MED9: variants seen among roughly 807,000 people sequenced by gnomAD.
The protein encoded by MED9 is mediator of RNA polymerase II transcription subunit 9.
In MED9, 8 loss-of-function variants were observed where a neutral mutation model predicts 13.2. The observed-to-expected ratio is 0.61, with a 90% CI of 0.36 to 1.10. The LOEUF is 1.10. Ranked by LOEUF, MED9 falls within the 50% of genes least tolerant of loss-of-function variation. MED9 has a pLI of 0.02. For synonymous variants in MED9, 87 were observed against 82.8 expected (o/e 1.05, Z -0.28); for missense variants, 180 against 193.4 (o/e 0.93, Z 0.41).
At position 17,483,885 on chromosome 17, in the gene MED9, C is replaced by T. The variant is rs1292331331; in HGVS notation, c.224+6620C>T. On this transcript the variant is annotated intron_variant, in intron 1 of 1. Transcript: ENST00000268711. This position sits in a 1 kb window ranked among gnomAD's most constrained non-coding sequence, Gnocchi z 4.2. ...CCGGGAGGCGGAGGTTGCAGTGAGC[C>T]ACGATCGCACCATTGCACTCCAGCC... is the stretch of plus-strand genomic sequence containing the variant. 6.6e-6 allele frequency among the ~76,000 whole-genome samples: 1 copy of T among 150,384 alleles called. No homozygotes were observed. The highest frequency in any genetic ancestry group is 2.0e-4 in the East Asian group (1 of 5,104).
rs546717123 is a variant in MED9, at chr17:17,491,617, G to A, written c.*122G>A. 2 of 976,646 alleles carry A rather than the reference G, an allele frequency of 2.0e-6. No individual in the cohort carries two copies. The highest frequency in any genetic ancestry group is 2.2e-5 in the Admixed American group (1 of 46,082). The allele number at this position is 976,646 out of a possible 1,614,324, so 60.5% of individuals were successfully genotyped here. A position where few individuals can be genotyped will look rare whatever the true frequency, so the allele number is the denominator to read the frequency against. On this transcript the variant is annotated 3_prime_UTR_variant, in exon 2 of 2. Coordinates refer to ENST00000268711, the MANE Select transcript of MED9 (RefSeq NM_018019.3). The stretch of plus-strand genomic sequence containing the variant: ...CAGCTCAGCTCGTCAAGCTGCAGGG[G>A]CGGGGCTCCTGTGCTGCTGCGCGCG...
intron 1 of MED9, among the ~76,000 whole-genome samples, chr17:17,479,583 AGGAG>A (rs796277092): frequency 6.6e-6 from 1 of 151,728 alleles, no homozygotes; most frequent in East Asian, 1.9e-4. Context: ...CCAACACTTT[AGGAG>A]GCTGAGGCGA....
intron 1 of MED9, among the ~76,000 whole-genome samples, chr17:17,480,561 T>TG (rs1905015978): frequency 6.6e-6 from 1 of 151,962 alleles, no homozygotes; most frequent in Non-Finnish European, 1.5e-5. Context: ...CAGGCTGAGA[T>TG]GGGAGGATAG....
intron 1 of MED9, among the ~76,000 whole-genome samples, chr17:17,481,115 A>G (rs1363627300): frequency 3.9e-5 from 6 of 152,154 alleles, no homozygotes; most frequent in African/African-American, 1.2e-4. Flanking sequence ...GCCAGGAAAC[A>G]GAGTGCAGGT....
rs548928948 is a variant in MED9 at position 17,491,679 on chromosome 17, C to T, written c.*184C>T. On this transcript the variant is annotated 3_prime_UTR_variant, in exon 2 of 2. Coordinates refer to ENST00000268711, the MANE Select transcript of MED9 (RefSeq NM_018019.3). Reference sequence around the variant, plus strand: ...CGGGAGCCAGCGCAGAGCTTGGCTGCGCCGGGGGTTCCTCGTGTAGATCCA... The same window carrying T: ...CGGGAGCCAGCGCAGAGCTTGGCTGTGCCGGGGGTTCCTCGTGTAGATCCA... 2,473 of 612,466 alleles carry T rather than the reference C, an allele frequency of 4.0e-3. 17 individuals carry two copies. Among genetic ancestry groups the T allele is most frequent in the Middle Eastern group, 0.019 (44 of 2,294 alleles). The allele number at this position is 612,466 out of a possible 1,614,324, so 37.9% of individuals were successfully genotyped here.
In MED9 at chr17:17,491,317, A is replaced by G. The variant is rs1905222307; in HGVS notation, c.263A>G (p.Asn88Ser). The G allele has an allele frequency of 6.2e-7, 1 of 1,613,832 alleles. No individual in the cohort carries two copies. The highest frequency in any genetic ancestry group is 1.1e-5 in the South Asian group (1 of 91,086). Reference sequence around the variant, plus strand: ...AGCCCGGAGGTCCACCAGGACCTGAACGCCCTCAAAAGCAAGTTCCAGGAG... The same window carrying G: ...AGCCCGGAGGTCCACCAGGACCTGAGCGCCCTCAAAAGCAAGTTCCAGGAG... ...KDSPEVHQDL[N>S]ALKSKFQEMR... The change falls in exon 2 of 2, where the codon AAC (asparagine) becomes AGC (serine). Residue 88 changes from asparagine (N) to serine (S), a missense_variant. By Grantham distance (46) the Asn-to-Ser change is conservative. Coordinates refer to ENST00000268711, the MANE Select transcript of MED9 (RefSeq NM_018019.3).
At chr17:17,491,188 C>A in intron 1 of MED9, 91 bp from the exon 2 acceptor site, 3 of 1,210,520 alleles carry the variant, frequency 2.5e-6, no homozygotes, top group Non-Finnish European at 3.6e-6. Context: ...AAAGCTATGG[C>A]AGGAATGACA....
chr17:17,489,217 C>T (rs1207428128), intron 1 of MED9, among the ~76,000 whole-genome samples: 1 of 152,260 alleles, frequency 6.6e-6, no homozygotes, highest in Admixed American at 6.5e-5. Context: ...AGCTGCCCTC[C>T]AGGCGGCTTG....
chr17:17,493,040 A>G lies in MED9; in HGVS notation c.*1545A>G, dbSNP rs1905271431. ...GGCCTGTTTTAAGGCTCTGACAGAT[A>G]CCACGAAACATGAAGCACGTGGAAC... is the stretch of plus-strand genomic sequence containing the variant. On this transcript the variant is annotated 3_prime_UTR_variant, in exon 2 of 2. Coordinates refer to ENST00000268711, the MANE Select transcript of MED9 (RefSeq NM_018019.3). 1 of 152,156 alleles carries G rather than the reference A, an allele frequency of 6.6e-6. No individual in the cohort carries two copies. Among genetic ancestry groups the G allele is most frequent in the South Asian group, 2.1e-4 (1 of 4,830 alleles). The allele number at this position is 152,156 out of a possible 1,614,324, so 9.4% of individuals were successfully genotyped here. A position where few individuals can be genotyped will look rare whatever the true frequency, so the allele number is the denominator to read the frequency against.
Position 17,491,752 on chromosome 17 carries a change from A to G in MED9, c.*257A>G. Reference sequence around the variant, plus strand: ...GGAGTGCCTGCTGGTGGAAGTCAGAATGCTCCTGGAGGCTGCAGAGGGGGT... The same window carrying G: ...GGAGTGCCTGCTGGTGGAAGTCAGAGTGCTCCTGGAGGCTGCAGAGGGGGT... On this transcript the variant is annotated 3_prime_UTR_variant, in exon 2 of 2. Transcript: ENST00000268711. The G allele has an allele frequency of 2.1e-6, 1 of 470,216 alleles. No homozygotes were observed. Among genetic ancestry groups the G allele is most frequent in the East Asian group, 4.2e-5 (1 of 23,862 alleles). The allele number at this position is 470,216 out of a possible 1,614,324, so 29.1% of individuals were successfully genotyped here.
chr17:17,481,228 C>T lies in MED9; in HGVS notation c.224+3963C>T, dbSNP rs564997796. ...AGGGCTGGGACCATGTCCGGTCCACCCAGGTGGCGCTCTCTGGCCCTGGGT... is the reference window on the plus strand; with the variant it reads ...AGGGCTGGGACCATGTCCGGTCCACTCAGGTGGCGCTCTCTGGCCCTGGGT... On this transcript the variant is annotated intron_variant, in intron 1 of 1. Coordinates refer to ENST00000268711, the MANE Select transcript of MED9 (RefSeq NM_018019.3). Among the ~76,000 whole-genome samples the T allele has an allele frequency of 9.2e-5, 14 of 152,238 alleles. No individual in the cohort carries two copies. The South Asian group carries it at 2.9e-3, about 32-fold the overall frequency.
intron 1 of MED9, chr17:17,485,153 A>G (rs1024555710): frequency 2.0e-5 from 7 of 341,882 alleles, no homozygotes; most frequent in East Asian, 1.7e-4. Flanking sequence ...AGCTGGGACT[A>G]CAGGCACACG....
intron 1 of MED9, 115 bp downstream of exon 1, chr17:17,477,380 G>A (rs1904942619): frequency 2.5e-6 from 3 of 1,203,222 alleles, no homozygotes; most frequent in South Asian, 1.6e-5. Flanking sequence ...CACAGATGGG[G>A]AAACTCAGAC....
At chr17:17,477,873 A>G (rs1027016048) in intron 1 of MED9, among the ~76,000 whole-genome samples, 1 of 152,276 alleles carries the variant, frequency 6.6e-6, no homozygotes, top group South Asian at 2.1e-4. Flanking sequence ...TAACAGTACC[A>G]AAGGAAATAA....
chr17:17,488,692 G>T (rs1241411496), intron 1 of MED9, among the ~76,000 whole-genome samples: 1 of 152,200 alleles, frequency 6.6e-6, no homozygotes, highest in African/African-American at 2.4e-5. Context: ...AATTAGCCGG[G>T]CGTGGTAGCG....
At chr17:17,478,050 C>T (rs1904958569) in intron 1 of MED9, among the ~76,000 whole-genome samples, 1 of 152,192 alleles carries the variant, frequency 6.6e-6, no homozygotes. Flanking sequence ...GACTGGAGTA[C>T]AGTGGCGTGA....
intron 1 of MED9, among the ~76,000 whole-genome samples, chr17:17,490,465 G>A (rs960674413): frequency 3.3e-5 from 5 of 152,158 alleles, no homozygotes; most frequent in Non-Finnish European, 7.3e-5. Flanking sequence ...ATGTACAGGA[G>A]CAACTGCCAG....
At chr17:17,479,929 C>A (rs1360134488) in intron 1 of MED9, among the ~76,000 whole-genome samples, 1 of 152,154 alleles carries the variant, frequency 6.6e-6, no homozygotes, top group Non-Finnish European at 1.5e-5. Context: ...ATCCCCAGAT[C>A]TCAGGAACTC....
Position 17,491,959 on chromosome 17 carries a change from G to C in MED9, c.*464G>C, listed in dbSNP as rs1245127598. 1.0e-5 allele frequency: 2 copies of C among 198,064 alleles called. No homozygotes were observed. The highest frequency in any genetic ancestry group is 2.1e-5 in the Non-Finnish European group (2 of 94,638). 12.3% of individuals were successfully genotyped at this position (198,064 alleles called of 1,614,324 possible). On this transcript the variant is annotated 3_prime_UTR_variant, in exon 2 of 2. Coordinates refer to ENST00000268711, the MANE Select transcript of MED9 (RefSeq NM_018019.3). ...TTGTTCCTGTTAACAGCAGCTTCTT[G>C]AAACATTTGCATAGAATTCACTGGA...
Sources: allele counts gnomAD v4.1 joint callset (sites outside exome capture counted in the v4.1 genomes callset), GRCh38; gene constraint gnomAD v4.1.1; non-coding constraint Gnocchi (gnomAD v3.1); transcripts MANE v1.5; gene names NCBI Gene and HGNC (gene_info 2026-07-23, HGNC 2026-07-21).